PRUNE2: variants seen among roughly 807,000 people sequenced by gnomAD.
The protein encoded by PRUNE2 is prune homolog 2 with BCH domain, also known as protein prune homolog 2.
A neutral mutation model predicts 252.0 loss-of-function variants in PRUNE2; 164 were observed. The ratio of observed to expected loss-of-function variants is 0.65; its 90% CI spans 0.57 to 0.74. The LOEUF (loss-of-function observed/expected upper bound fraction) is 0.74, where lower values mean the gene tolerates loss of function less well. PRUNE2 is among the 30% of genes least tolerant of loss of function. The pLI is 0.00. For missense variants in PRUNE2, 3,495 were observed against 3,711.0 expected (o/e 0.94, Z 1.51); for synonymous variants, 1,292 against 1,350.2 (o/e 0.96, Z 0.94).
intron 6 of PRUNE2, among the ~76,000 whole-genome samples, chr9:76,760,976 C>T (rs976555962): frequency 1.3e-5 from 2 of 150,706 alleles, no homozygotes; most frequent in African/African-American, 2.4e-5. Context: ...GTCCCAGCTA[C>T]TTGGGAGGCT....
At chr9:76,808,490 G>C (rs2057136164) in intron 6 of PRUNE2, 1 of 152,232 alleles carries the variant, frequency 6.6e-6, no homozygotes, top group Admixed American at 6.5e-5. Flanking sequence ...TGGTTCAAGG[G>C]ATTTTAAACT....
intron 9 of PRUNE2, among the ~76,000 whole-genome samples, chr9:76,676,964 T>C (rs1003381297): frequency 6.6e-6 from 1 of 152,370 alleles, no homozygotes; most frequent in South Asian, 2.1e-4. Flanking sequence ...CTATTATATT[T>C]GTTCATCTTC....
intron 4 of PRUNE2, among the ~76,000 whole-genome samples, chr9:76,833,747 A>G (rs887310680): frequency 4.6e-5 from 7 of 151,198 alleles, no homozygotes; most frequent in African/African-American, 1.7e-4. Flanking sequence ...CCTGGGCGAC[A>G]GAGCAAGACT....
chr9:76,776,069 C>T (rs934454422), intron 6 of PRUNE2, among the ~76,000 whole-genome samples: 3 of 152,176 alleles, frequency 2.0e-5, no homozygotes, highest in African/African-American at 2.4e-5. Flanking sequence ...GACAATCTCA[C>T]GTGCACAGAG....
At chr9:76,625,905 G>C (rs1234167865) in intron 16 of PRUNE2, among the ~76,000 whole-genome samples, 1 of 151,798 alleles carries the variant, frequency 6.6e-6, no homozygotes. Context: ...ATACTGTATT[G>C]GGAATACTAG....
intron 6 of PRUNE2, 33 bp downstream of exon 6, chr9:76,823,599 C>G: frequency 1.6e-6 from 2 of 1,242,588 alleles, no homozygotes; most frequent in Non-Finnish European, 2.4e-6. Flanking sequence ...TGTGGGAAAT[C>G]AATCAATGCT....
intron 1 of PRUNE2, among the ~76,000 whole-genome samples, chr9:76,888,596 A>C (rs892789992): frequency 3.5e-4 from 52 of 148,566 alleles, no homozygotes; most frequent in African/African-American, 1.3e-3. Flanking sequence ...AATAATAACT[A>C]TTATTATTAT....
At position 76,674,082 on chromosome 9, in the gene PRUNE2, G is replaced by T. The variant is rs1256732043; in HGVS notation, c.8277-18580C>A. On this transcript the variant is annotated intron_variant, in intron 9 of 18. Coordinates refer to ENST00000376718, the MANE Select transcript of PRUNE2 (RefSeq NM_015225.3). The stretch of plus-strand genomic sequence containing the variant: ...CAATGAGGCAGGAGAAGGAAATAAA[G>T]GGTATTCAATTAGGAAAAGAGGAAG... Among the ~76,000 whole-genome samples, 10 of 151,390 alleles carry T rather than the reference G, an allele frequency of 6.6e-5. No individual in the cohort carries two copies. The East Asian group carries it at 1.9e-3, about 29-fold the overall frequency.
At chr9:76,642,743 C>G (rs1049491326) in intron 12 of PRUNE2, among the ~76,000 whole-genome samples, 2 of 152,184 alleles carry the variant, frequency 1.3e-5, no homozygotes, top group African/African-American at 4.8e-5. Flanking sequence ...ATGTGGAAGA[C>G]AAAGCTTTAG....
At position 76,704,988 on chromosome 9, in the gene PRUNE2, A is replaced by T. The variant is rs761501258; in HGVS notation, c.7286T>A (p.Ile2429Lys). 1.9e-6 allele frequency: 3 copies of T among 1,613,798 alleles called. No individual in the cohort carries two copies. The highest frequency in any genetic ancestry group is 2.5e-6 in the Non-Finnish European group (3 of 1,179,786). Reference protein sequence around the residue: ...DESLGCRAAEIVLSALPDRRS... With the variant: ...DESLGCRAAEKVLSALPDRRS... Reference sequence around the variant, plus strand: ...TCGATCAGGAAGTGCAGAAAGCACTATCTCTGCTGCTCTGCATCCCAGAGA... The same window carrying T: ...TCGATCAGGAAGTGCAGAAAGCACTTTCTCTGCTGCTCTGCATCCCAGAGA... Residue 2429 changes from isoleucine (I) to lysine (K), a missense_variant, in exon 8 of 19, where the codon ATA (isoleucine) becomes AAA (lysine). By Grantham distance (102) the Ile-to-Lys change is moderately radical (BLOSUM62 -3). Coordinates refer to ENST00000376718, the MANE Select transcript of PRUNE2 (RefSeq NM_015225.3).
intron 4 of PRUNE2, among the ~76,000 whole-genome samples, chr9:76,828,523 T>G (rs528700535): frequency 2.0e-5 from 3 of 152,094 alleles, no homozygotes; most frequent in African/African-American, 7.2e-5. Context: ...CTGGCTATCA[T>G]GCAGAGAAAA....
At chr9:76,794,528 T>C (rs2055875450) in intron 6 of PRUNE2, among the ~76,000 whole-genome samples, 1 of 146,698 alleles carries the variant, frequency 6.8e-6, no homozygotes, top group African/African-American at 2.5e-5. Context: ...GGCAAGAGAA[T>C]CGCTTGAATC....
chr9:76,632,737 A>T (rs185076499), intron 15 of PRUNE2, among the ~76,000 whole-genome samples: 252 of 152,128 alleles, frequency 1.7e-3, no homozygotes, highest in Non-Finnish European at 3.1e-3. Flanking sequence ...TTAAAAAAAA[A>T]TTTTCCAGAG....
At chr9:76,797,258 A>G (rs1564326407) in intron 6 of PRUNE2, among the ~76,000 whole-genome samples, 1 of 152,108 alleles carries the variant, frequency 6.6e-6, no homozygotes, top group African/African-American at 2.4e-5. Flanking sequence ...TTGAAAAAAA[A>G]TATTTCTATA....
intron 4 of PRUNE2, among the ~76,000 whole-genome samples, chr9:76,831,087 G>A (rs1013934206): frequency 7.9e-5 from 12 of 151,928 alleles, no homozygotes; most frequent in African/African-American, 2.2e-4. Flanking sequence ...CCGCCACCAC[G>A]CCCAGCTAAT....
intron 2 of PRUNE2, among the ~76,000 whole-genome samples, chr9:76,852,276 T>C (rs1208167399): frequency 6.6e-6 from 1 of 152,260 alleles, no homozygotes; most frequent in Admixed American, 6.5e-5. Flanking sequence ...AACTTATGTA[T>C]GGCAAGTTAT....
At chr9:76,889,691 G>A (rs542791234) in intron 1 of PRUNE2, among the ~76,000 whole-genome samples, 1 of 152,258 alleles carries the variant, frequency 6.6e-6, no homozygotes, top group African/African-American at 2.4e-5. Context: ...CGGCACATCA[G>A]GCGTCTCACC....
chr9:76,734,504 T>A (rs1429340153), intron 6 of PRUNE2, among the ~76,000 whole-genome samples: 1 of 152,176 alleles, frequency 6.6e-6, no homozygotes, highest in Admixed American at 6.5e-5. Flanking sequence ...GGTTTCTGTA[T>A]CTGAAAATGA....
chr9:76,710,362 CT>C lies in PRUNE2; in HGVS notation c.1911del (p.Ala638GlnfsTer124). 1 of 1,613,978 alleles carries C rather than the reference CT, an allele frequency of 6.2e-7. No individual in the cohort carries two copies. The highest frequency in any genetic ancestry group is 8.5e-7 in the Non-Finnish European group (1 of 1,179,880). ...ASLYTEDMTQ[K>X]ATDTGHMGPP... Reference sequence around the variant, plus strand: ...GGCCCCATGTGACCTGTGTCAGTTGCTTTTTGGGTCATATCTTCTGTATAGA... The same window carrying C: ...GGCCCCATGTGACCTGTGTCAGTTGCTTTTGGGTCATATCTTCTGTATAGA... On this transcript the variant is annotated frameshift_variant, in exon 8 of 19. Coordinates refer to ENST00000376718, the MANE Select transcript of PRUNE2 (RefSeq NM_015225.3). LOFTEE classifies it high-confidence loss of function.
Sources: gnomAD v4.1 joint callset for allele counts (sites outside exome capture counted in the v4.1 genomes callset) on GRCh38, gnomAD v4.1.1 for gene constraint, MANE v1.5 for transcripts, NCBI Gene and HGNC (gene_info 2026-07-23, HGNC 2026-07-21) for gene names.